ANO6: variants seen among roughly 807,000 people sequenced by gnomAD.
ANO6 encodes the protein anoctamin 6, also known as anoctamin-6.
In ANO6, 106 loss-of-function variants were observed where a neutral mutation model predicts 117.5. That is an observed-to-expected ratio of 0.90 (90% CI 0.77 to 1.06). ANO6 has a LOEUF of 1.06. Among genes scored for constraint, ANO6 ranks in the 50% least tolerant of loss-of-function variants. The pLI is 0.00. For synonymous variants in ANO6, 367 were observed against 385.1 expected, an observed-to-expected ratio of 0.95 and a Z score of 0.55; for missense variants, 955 against 1,121.1, an observed-to-expected ratio of 0.85 and a Z score of 2.12.
Position 45,378,067 on chromosome 12 carries a change from C to T in ANO6, c.1119C>T (p.Phe373=), listed in dbSNP as rs371105208. ...TCESSKKLCI[F]DSFGTLVFAV... ...ATATTTTCCAGAAATTGTGCATCTTCGACAGTTTTGGAACCCTGGTCTTTG... is the reference window on the plus strand; with the variant it reads ...ATATTTTCCAGAAATTGTGCATCTTTGACAGTTTTGGAACCCTGGTCTTTG... The change falls in exon 10 of 20, where the codon TTC becomes TTT. Residue 373 remains phenylalanine (F), a synonymous_variant. Transcript: ENST00000320560. The T allele has an allele frequency of 6.0e-5, 97 of 1,611,294 alleles. No individual in the cohort carries two copies. Among genetic ancestry groups the T allele is most frequent in the South Asian group, 2.7e-4 (25 of 90,994 alleles).
chr12:45,298,530 G>T (rs1465816451), intron 1 of ANO6, among the ~76,000 whole-genome samples: 1 of 152,078 alleles, frequency 6.6e-6, no homozygotes, highest in Non-Finnish European at 1.5e-5. Context: ...AATTATATTG[G>T]CCTCATAAAT....
chr12:45,259,500 T>TA (rs1290857488), intron 1 of ANO6, among the ~76,000 whole-genome samples: 1 of 152,176 alleles, frequency 6.6e-6, no homozygotes, highest in Non-Finnish European at 1.5e-5. Context: ...TGAAGACAAA[T>TA]ACCTCCAGCT....
chr12:45,414,918 C>G (rs1444761556), intron 16 of ANO6, among the ~76,000 whole-genome samples: 1 of 152,096 alleles, frequency 6.6e-6, no homozygotes, highest in Non-Finnish European at 1.5e-5. Context: ...CTCGTACCAC[C>G]ATGCCCAGCT....
chr12:45,320,766 G>A (rs183721377), intron 2 of ANO6, among the ~76,000 whole-genome samples: 6 of 152,202 alleles, frequency 3.9e-5, no homozygotes, highest in Admixed American at 1.3e-4. Flanking sequence ...TCTCTTTGTA[G>A]GTCTCTAAGG....
chr12:45,353,348 T>C (rs1941331430), intron 7 of ANO6, among the ~76,000 whole-genome samples: 1 of 152,200 alleles, frequency 6.6e-6, no homozygotes, highest in Admixed American at 6.5e-5. Flanking sequence ...TTTGTACATA[T>C]GTAAATATTT....
rs748511778 is a variant in ANO6 at position 45,302,070 on chromosome 12, C to T, written c.127C>T (p.His43Tyr). The part of the protein sequence containing the change: ...VPDLGSLESQ[H>Y]DFRTPEFEEF... ...CGATTTGGGATCACTGGAAAGTCAG[C>T]ATGATTTTCGAACCCCGGAGTTTGT... Residue 43 changes from histidine (H) to tyrosine (Y), a missense_variant, in exon 2 of 20, where the codon CAT (histidine) becomes TAT (tyrosine). Transcript: ENST00000320560. 7.4e-6 allele frequency: 12 copies of T among 1,613,944 alleles called. No individual in the cohort carries two copies. The South Asian group carries it at 1.3e-4, about 18-fold the overall frequency.
intron 1 of ANO6, among the ~76,000 whole-genome samples, chr12:45,278,963 G>A (rs1024156891): frequency 3.3e-5 from 5 of 152,156 alleles, no homozygotes; most frequent in Admixed American, 2.6e-4. Context: ...TAGTCAGAAA[G>A]CTAAGTAGAA....
At chr12:45,257,102 G>A (rs572642167) in intron 1 of ANO6, among the ~76,000 whole-genome samples, 1 of 152,222 alleles carries the variant, frequency 6.6e-6, no homozygotes, top group African/African-American at 2.4e-5. Context: ...CTCAGGATTG[G>A]GTTATTATAA....
chr12:45,323,115 C>A (rs193273702), intron 2 of ANO6, among the ~76,000 whole-genome samples: 1 of 152,146 alleles, frequency 6.6e-6, no homozygotes, highest in Non-Finnish European at 1.5e-5. Context: ...AGATGTCTTA[C>A]GTCTTCTTTT....
At chr12:45,218,664 G>A (rs924110205) in intron 1 of ANO6, among the ~76,000 whole-genome samples, 26 of 152,082 alleles carry the variant, frequency 1.7e-4, no homozygotes, top group Admixed American at 1.4e-3. Context: ...AAAAGAATAA[G>A]CCTTTTTAAA....
chr12:45,263,350 A>G lies in ANO6; in HGVS notation c.71-38664A>G, dbSNP rs377093534. On this transcript the variant is annotated intron_variant, in intron 1 of 19. Transcript: ENST00000320560. ...CTCCTGAATAGCTGGGACTACAACC[A>G]TCATGCCTGGCCTGGCCTTTTTTTT... 6.4e-5 allele frequency among the ~76,000 whole-genome samples: 9 copies of G among 141,498 alleles called. No homozygotes were observed. The East Asian group carries it at 1.3e-3, about 20-fold the overall frequency. The allele number at this position is 141,498 out of a possible 152,430, so 92.8% of individuals were successfully genotyped here.
intron 12 of ANO6, among the ~76,000 whole-genome samples, chr12:45,391,087 C>T (rs1298611273): frequency 6.6e-6 from 1 of 151,780 alleles, no homozygotes; most frequent in South Asian, 2.1e-4. Context: ...CACCACTGCA[C>T]TCGACTGGGT....
intron 1 of ANO6, among the ~76,000 whole-genome samples, chr12:45,219,905 A>G (rs1947370647): frequency 6.6e-6 from 1 of 152,174 alleles, no homozygotes; most frequent in African/African-American, 2.4e-5. Context: ...TGTGGTTTGA[A>G]GCCCCTGTTG....
intron 2 of ANO6, among the ~76,000 whole-genome samples, chr12:45,316,149 T>C (rs1186187939): frequency 6.6e-6 from 1 of 152,178 alleles, no homozygotes; most frequent in East Asian, 1.9e-4. Flanking sequence ...TTTCAGTTAA[T>C]TTATTTAATA....
chr12:45,415,894 G>A (rs1943200614), intron 16 of ANO6, among the ~76,000 whole-genome samples: 1 of 152,126 alleles, frequency 6.6e-6, no homozygotes, highest in Non-Finnish European at 1.5e-5. Context: ...CTGAAGGTCT[G>A]CCAGTTAGGA....
intron 1 of ANO6, among the ~76,000 whole-genome samples, chr12:45,256,268 C>T (rs934103673): frequency 1.3e-5 from 2 of 152,060 alleles, no homozygotes; most frequent in Non-Finnish European, 2.9e-5. Flanking sequence ...ATTTTTTGTT[C>T]CTGGCCTCAT....
intron 1 of ANO6, among the ~76,000 whole-genome samples, chr12:45,248,583 G>A (rs898404586): frequency 2.6e-5 from 4 of 151,710 alleles, no homozygotes; most frequent in South Asian, 2.1e-4. Context: ...ACAGGTGCAC[G>A]CCACCAAGCC....
At chr12:45,241,763 G>A (rs528203940) in intron 1 of ANO6, among the ~76,000 whole-genome samples, 1 of 152,312 alleles carries the variant, frequency 6.6e-6, no homozygotes, top group East Asian at 1.9e-4. Flanking sequence ...TGTTGATGTT[G>A]ATGCTATTCC....
At chr12:45,338,722 A>G (rs919454130) in intron 3 of ANO6, among the ~76,000 whole-genome samples, 5 of 152,112 alleles carry the variant, frequency 3.3e-5, no homozygotes, top group Admixed American at 6.6e-5. Context: ...CGTTGCTGGT[A>G]TAAGCACATT....
Sources: allele counts gnomAD v4.1 joint callset (sites outside exome capture counted in the v4.1 genomes callset), GRCh38; gene constraint gnomAD v4.1.1; transcripts MANE v1.5; gene names NCBI Gene and HGNC (gene_info 2026-07-23, HGNC 2026-07-21).